The following LIPA variants were observed in gnomAD, a reference collection of about 807,000 sequenced individuals.
LIPA encodes lysosomal acid lipase/cholesteryl ester hydrolase.
Under a neutral mutation model 40.6 loss-of-function variants are expected in LIPA, and 26 were observed. The ratio of observed to expected loss-of-function variants is 0.64; its 90% CI spans 0.47 to 0.89. The LOEUF is 0.89. LIPA is among the 40% of genes least tolerant of loss of function. The pLI, the probability that LIPA is intolerant of heterozygous loss-of-function variation, is 0.00. For missense variants in LIPA, 455 were observed against 479.6 expected (o/e 0.95, Z 0.48); for synonymous variants, 188 against 168.4 (o/e 1.12, Z -0.90).
intron 2 of LIPA, among the ~76,000 whole-genome samples, chr10:89,369,323 A>G (rs947088038): frequency 6.6e-5 from 10 of 152,190 alleles, no homozygotes; most frequent in African/African-American, 2.4e-4. Flanking sequence ...ACCACTGACC[A>G]CAGGCCACGT....
At chr10:89,230,795 T>G (rs566171352) in intron 3 of LIPA, among the ~76,000 whole-genome samples, 1 of 152,344 alleles carries the variant, frequency 6.6e-6, no homozygotes, top group African/African-American at 2.4e-5. Flanking sequence ...GCAAAGAGTC[T>G]GACACACAGT....
chr10:89,248,777 G>A (rs1843073411), intron 1 of LIPA, among the ~76,000 whole-genome samples: 1 of 152,000 alleles, frequency 6.6e-6, no homozygotes, highest in Admixed American at 6.6e-5. Context: ...ACCGCGCCCG[G>A]CCCAAAGGAA....
At chr10:89,312,321 G>A (rs908901872) in intron 1 of LIPA, among the ~76,000 whole-genome samples, 1 of 151,974 alleles carries the variant, frequency 6.6e-6, no homozygotes, top group Non-Finnish European at 1.5e-5. Context: ...TGCACCTGTA[G>A]TCCCATCTAC....
chr10:89,274,910 A>G (rs1257607236), intron 1 of LIPA, among the ~76,000 whole-genome samples: 7 of 152,230 alleles, frequency 4.6e-5, no homozygotes, highest in Admixed American at 4.6e-4. Flanking sequence ...TTCTGCCATC[A>G]TTGCAGAAGT....
At chr10:89,309,562 C>G (rs920139609) in intron 1 of LIPA, among the ~76,000 whole-genome samples, 14 of 152,274 alleles carry the variant, frequency 9.2e-5, no homozygotes, top group African/African-American at 3.4e-4. Context: ...TTAAAATGGA[C>G]AGGTATGCCG....
intron 2 of LIPA, among the ~76,000 whole-genome samples, chr10:89,385,613 A>G (rs1344040912): frequency 6.6e-6 from 1 of 152,238 alleles, no homozygotes; most frequent in Non-Finnish European, 1.5e-5. Context: ...GAGCAAAGAC[A>G]AGAGTTAGAA....
At chr10:89,251,995 A>C (rs1234475757), upstream of LIPA, 1 of 152,306 alleles carries the variant, frequency 6.6e-6, no homozygotes, top group East Asian at 1.9e-4. Flanking sequence ...TTTCTAAGAG[A>C]TGGAGCCCGT....
intron 4 of LIPA, 154 bp from the exon 5 acceptor site, chr10:89,227,158 C>A (rs553651230): frequency 3.1e-6 from 2 of 651,046 alleles, no homozygotes; most frequent in South Asian, 1.7e-5. Context: ...ACTGCAGAAG[C>A]CCCCTTGGGC....
chr10:89,331,858 CAAAAAAA>C lies in LIPA; in HGVS notation c.-2+10746_-2+10752del, dbSNP rs10540155. On this transcript the variant is annotated intron_variant, in intron 1 of 5. Coordinates refer to the LIPA transcript ENST00000282673. ...TGGATGACAGAGTGAGATCCTGTCTCAAAAAAAAAAAAAAAAAAAAAAAGTAACAATC... is the reference window on the plus strand; with the variant it reads ...TGGATGACAGAGTGAGATCCTGTCTCAAAAAAAAAAAAAAAAGTAACAATC... 1.6e-3 allele frequency among the ~76,000 whole-genome samples: 126 copies of C among 80,618 alleles called. 1 individual carries two copies. The highest frequency in any genetic ancestry group is 4.7e-3 in the African/African-American group (106 of 22,706). The allele number at this position is 80,618 out of a possible 152,430, so 52.9% of individuals were successfully genotyped here. A position where few individuals can be genotyped will look rare whatever the true frequency, so the allele number is the denominator to read the frequency against.
intron 2 of LIPA, chr10:89,385,022 G>A (rs752618489): frequency 4.8e-5 from 17 of 355,132 alleles, no homozygotes; most frequent in Non-Finnish European, 7.7e-5. Context: ...AGTAGTAACC[G>A]ATCAAATTGC....
intron 2 of LIPA, among the ~76,000 whole-genome samples, chr10:89,247,035 A>G (rs1843033495): frequency 6.6e-6 from 1 of 152,188 alleles, no homozygotes; most frequent in Non-Finnish European, 1.5e-5. Context: ...TGTTGGCTAC[A>G]TATTACCTGG....
intron 2 of LIPA, among the ~76,000 whole-genome samples, chr10:89,388,985 T>C (rs902913271): frequency 3.9e-5 from 6 of 152,288 alleles, no homozygotes; most frequent in Admixed American, 2.6e-4. Flanking sequence ...CCTCTCTCCA[T>C]GGATGCGACT....
chr10:89,226,867 C>T (rs1343511041), intron 5 of LIPA, 28 bp downstream of exon 5: 1 of 1,262,658 alleles, frequency 7.9e-7, no homozygotes, highest in African/African-American at 1.5e-5. Flanking sequence ...GAATTTATAT[C>T]AACTTCTGAT....
At chr10:89,360,912 C>T (rs1024946904) in intron 2 of LIPA, among the ~76,000 whole-genome samples, 3 of 152,162 alleles carry the variant, frequency 2.0e-5, no homozygotes, top group Admixed American at 6.5e-5. Context: ...TGAAACTCCC[C>T]GCAGCATCCT....
intron 2 of LIPA, among the ~76,000 whole-genome samples, chr10:89,360,332 A>G (rs1339651556): frequency 6.6e-6 from 1 of 152,172 alleles, no homozygotes; most frequent in Admixed American, 6.5e-5. Flanking sequence ...ACACAAAAGA[A>G]AAACCTCTCC....
chr10:89,412,286 A>G (rs1841475059), intron 2 of LIPA, among the ~76,000 whole-genome samples: 1 of 152,128 alleles, frequency 6.6e-6, no homozygotes, highest in Non-Finnish European at 1.5e-5. Flanking sequence ...AAAGGATTGT[A>G]AACGCACCAA....
At chr10:89,391,542 A>T (rs932962592) in intron 2 of LIPA, among the ~76,000 whole-genome samples, 10 of 151,184 alleles carry the variant, frequency 6.6e-5, no homozygotes, top group Non-Finnish European at 1.3e-4. Flanking sequence ...TTATTTATTT[A>T]TTTTTTTAGA....
chr10:89,377,719 G>A (rs923918612), intron 2 of LIPA, among the ~76,000 whole-genome samples: 1 of 152,206 alleles, frequency 6.6e-6, no homozygotes, highest in Admixed American at 6.5e-5. Context: ...ACATGTGATA[G>A]TAACAAGTTT....
chr10:89,250,107 C>CTTTTTTTTTCTTTTT (rs1843096603), intron 1 of LIPA, among the ~76,000 whole-genome samples: 1 of 96,076 alleles, frequency 1.0e-5, no homozygotes, highest in Non-Finnish European at 1.9e-5. Flanking sequence ...TCTTTTCTTT[C>CTTTTTTTTTCTTTTT]TTTTTTTTTT....
Sources: gnomAD v4.1 joint callset for allele counts (sites outside exome capture counted in the v4.1 genomes callset) on GRCh38, gnomAD v4.1.1 for gene constraint, MANE v1.5 for transcripts, NCBI Gene and HGNC (gene_info 2026-07-23, HGNC 2026-07-21) for gene names.